Variants in ATRNL1 observed in about 807,000 individuals in gnomAD.
ATRNL1 encodes attractin-like protein 1.
Under a neutral mutation model 182.7 loss-of-function variants are expected in ATRNL1, and 95 were observed. That is an observed-to-expected ratio of 0.52 (90% CI 0.44 to 0.62). The LOEUF (loss-of-function observed/expected upper bound fraction) is 0.62, where lower values mean the gene tolerates loss of function less well. Ranked by LOEUF, ATRNL1 falls within the 20% of genes least tolerant of loss-of-function variation. ATRNL1 has a pLI of 0.00. For synonymous variants in ATRNL1, 576 were observed against 568.3 expected, an observed-to-expected ratio of 1.01 and a Z score of -0.19; for missense variants, 1,471 against 1,679.5, an observed-to-expected ratio of 0.88 and a Z score of 2.17.
chr10:115,319,111 C>A (rs548278569), intron 18 of ATRNL1, among the ~76,000 whole-genome samples: 55 of 152,212 alleles, frequency 3.6e-4, no homozygotes, highest in African/African-American at 1.3e-3. Context: ...TCATTGTTTT[C>A]AAATAACTTC....
intron 26 of ATRNL1, among the ~76,000 whole-genome samples, chr10:115,700,126 G>T (rs1220599398): frequency 6.6e-6 from 1 of 152,050 alleles, no homozygotes; most frequent in Admixed American, 6.6e-5. Context: ...CTTTACCATT[G>T]TGAATTGTAC....
intron 10 of ATRNL1, among the ~76,000 whole-genome samples, chr10:115,255,134 A>G (rs1305292797): frequency 6.6e-6 from 1 of 152,172 alleles, no homozygotes; most frequent in East Asian, 1.9e-4. Flanking sequence ...TTTTGGTTCC[A>G]TATGAACTTT....
At chr10:115,694,172 GCACACACACACACACACA>G (rs71010040) in intron 26 of ATRNL1, among the ~76,000 whole-genome samples, 1 of 146,824 alleles carries the variant, frequency 6.8e-6, no homozygotes, top group Non-Finnish European at 1.5e-5. Flanking sequence ...CTACACAGAC[GCACACACACACACACACA>G]CACACACACA....
At chr10:115,251,345 A>G (rs1213430387) in intron 10 of ATRNL1, among the ~76,000 whole-genome samples, 1 of 152,246 alleles carries the variant, frequency 6.6e-6, no homozygotes, top group East Asian at 1.9e-4. Context: ...TGTGAGAACC[A>G]AAGACCAAAT....
intron 22 of ATRNL1, among the ~76,000 whole-genome samples, chr10:115,463,584 G>A (rs1554970273): frequency 2.0e-5 from 3 of 152,008 alleles, no homozygotes; most frequent in East Asian, 1.9e-4. Flanking sequence ...TATTTACAGT[G>A]TGGTGCAATC....
At chr10:115,480,766 C>T (rs945650356) in intron 24 of ATRNL1, among the ~76,000 whole-genome samples, 3 of 150,980 alleles carry the variant, frequency 2.0e-5, no homozygotes, top group Non-Finnish European at 3.0e-5. Context: ...GACCATATTG[C>T]CCACAAAGCT....
intron 1 of ATRNL1, among the ~76,000 whole-genome samples, chr10:115,099,418 T>A (rs1280310771): frequency 6.6e-6 from 1 of 152,236 alleles, no homozygotes; most frequent in Non-Finnish European, 1.5e-5. Context: ...TATCTTTGTA[T>A]GGTCATATGC....
At chr10:115,589,236 G>T (rs907227403) in intron 26 of ATRNL1, among the ~76,000 whole-genome samples, 9 of 152,138 alleles carry the variant, frequency 5.9e-5, no homozygotes, top group Non-Finnish European at 1.0e-4. Context: ...ACTTCTGCCA[G>T]TAATTCCAGA....
At chr10:115,150,876 C>T (rs553673990) in intron 5 of ATRNL1, among the ~76,000 whole-genome samples, 8 of 152,190 alleles carry the variant, frequency 5.3e-5, no homozygotes, top group East Asian at 3.9e-4. Context: ...CTCCCTGCTC[C>T]CCCCACCCCA....
chr10:115,678,781 A>G (rs549947951), intron 26 of ATRNL1, among the ~76,000 whole-genome samples: 19 of 152,260 alleles, frequency 1.2e-4, no homozygotes, highest in African/African-American at 4.1e-4. Flanking sequence ...GCAAGGGAGA[A>G]CAAACCAAAA....
intron 10 of ATRNL1, among the ~76,000 whole-genome samples, chr10:115,260,600 C>T (rs944853492): frequency 5.3e-5 from 8 of 151,610 alleles, no homozygotes; most frequent in Non-Finnish European, 7.4e-5. Context: ...AAATGTCAAA[C>T]GAGTAGGAAA....
chr10:115,660,288 A>T (rs1386651497), intron 26 of ATRNL1, among the ~76,000 whole-genome samples: 2 of 152,170 alleles, frequency 1.3e-5, no homozygotes, highest in African/African-American at 4.8e-5. Flanking sequence ...TAAACCTCCA[A>T]GTTTATGACC....
chr10:115,527,961 C>T (rs1554987090), intron 25 of ATRNL1, among the ~76,000 whole-genome samples: 11 of 87,592 alleles, frequency 1.3e-4, no homozygotes, highest in Non-Finnish European at 2.0e-4. Flanking sequence ...TCTTTCCTTC[C>T]CTCCCTCCCT....
At chr10:115,673,986 A>G (rs1945782148) in intron 26 of ATRNL1, among the ~76,000 whole-genome samples, 1 of 152,124 alleles carries the variant, frequency 6.6e-6, no homozygotes. Context: ...GCTACGAGCC[A>G]GCACTACACT....
Position 115,246,778 on chromosome 10 carries a change from T to C in ATRNL1, c.1687+5053T>C, listed in dbSNP as rs1366111742. On this transcript the variant is annotated intron_variant, in intron 10 of 28. Coordinates refer to ENST00000355044, the MANE Select transcript of ATRNL1 (RefSeq NM_207303.4). ...GGTTTCACCTTGTTAGCCAGGATGG[T>C]CTCGATCTCCTGACCTCATGATCCA... Among the ~76,000 whole-genome samples the C allele has an allele frequency of 5.2e-5, 7 of 133,650 alleles. 2 individuals are homozygous for C. Among genetic ancestry groups the C allele is most frequent in the African/African-American group, 2.1e-4 (7 of 33,772 alleles). The allele number at this position is 133,650 out of a possible 152,430, so 87.7% of individuals were successfully genotyped here.
At position 115,110,830 on chromosome 10, in the gene ATRNL1, C is replaced by A. The variant is rs139764620; in HGVS notation, c.294-9355C>A. On this transcript the variant is annotated intron_variant, in intron 1 of 28. Coordinates refer to ENST00000355044, the MANE Select transcript of ATRNL1 (RefSeq NM_207303.4). Reference sequence around the variant, plus strand: ...AACAGTAATAATACAAGGTGATTGTCATTTATTAATTTAAGCTTTTTATAA... The same window carrying A: ...AACAGTAATAATACAAGGTGATTGTAATTTATTAATTTAAGCTTTTTATAA... Among the ~76,000 whole-genome samples the A allele has an allele frequency of 7.2e-5, 11 of 152,224 alleles. No homozygotes were observed. In the East Asian group the frequency reaches 2.1e-3, roughly 29 times the overall value.
intron 27 of ATRNL1, among the ~76,000 whole-genome samples, chr10:115,729,571 C>A (rs1485046630): frequency 7.1e-6 from 1 of 140,884 alleles, no homozygotes; most frequent in African/African-American, 2.7e-5. Flanking sequence ...TTTTTTTTTC[C>A]CAGCTTCTGT....
At chr10:115,519,532 T>C (rs1554984704) in intron 25 of ATRNL1, among the ~76,000 whole-genome samples, 1 of 152,164 alleles carries the variant, frequency 6.6e-6, no homozygotes, top group African/African-American at 2.4e-5. Flanking sequence ...TGTTATACTA[T>C]TTAATAGCCA....
intron 5 of ATRNL1, among the ~76,000 whole-genome samples, chr10:115,156,408 A>G (rs1427748415): frequency 6.6e-6 from 1 of 152,154 alleles, no homozygotes; most frequent in Non-Finnish European, 1.5e-5. Flanking sequence ...AGTTTTATAC[A>G]TGTGAAGTTT....
Sources: allele counts gnomAD v4.1 joint callset (sites outside exome capture counted in the v4.1 genomes callset), GRCh38; gene constraint gnomAD v4.1.1; transcripts MANE v1.5; gene names NCBI Gene and HGNC (gene_info 2026-07-23, HGNC 2026-07-21).